The following TRPM2 variants were observed in gnomAD, a reference collection of about 807,000 sequenced individuals.
The protein encoded by TRPM2 is transient receptor potential cation channel subfamily M member 2, also known as estrogen-responsive element-associated gene 1 protein.
In TRPM2, 161 loss-of-function variants were observed where a neutral mutation model predicts 174.0. The ratio of observed to expected loss-of-function variants is 0.93; its 90% CI spans 0.81 to 1.05. The LOEUF is 1.05. TRPM2 is among the 50% of genes least tolerant of loss of function. The probability of loss-of-function intolerance (pLI) is 0.00; values close to 1 mark genes in which losing one functional copy is unlikely to be tolerated. For missense variants in TRPM2, 2,057 were observed against 2,038.0 expected, an observed-to-expected ratio of 1.01 and a Z score of -0.18; for synonymous variants, 954 against 861.3, an observed-to-expected ratio of 1.11 and a Z score of -1.88.
In TRPM2 at chr21:44,389,346, G is replaced by C. The variant is rs576996546; in HGVS notation, c.1319-1558G>C. On this transcript the variant is annotated intron_variant, in intron 9 of 31. Coordinates refer to ENST00000397928, the MANE Select transcript of TRPM2 (RefSeq NM_003307.4). ...CATTCATCTGTTGGGGTGCATTTAG[G>C]TTGTTTCCAGTTTGGGGCTATTATG... Among the ~76,000 whole-genome samples, 7 of 152,262 alleles carry C rather than the reference G, an allele frequency of 4.6e-5. No individual in the cohort carries two copies. The South Asian group carries it at 1.5e-3, about 32-fold the overall frequency.
chr21:44,440,036 T>C (rs1260896018), intron 30 of TRPM2, among the ~76,000 whole-genome samples: 1 of 150,314 alleles, frequency 6.7e-6, no homozygotes, highest in African/African-American at 2.4e-5. Flanking sequence ...GGACGCTCTT[T>C]ATAAAAGCAG....
At chr21:44,404,653 G>C (rs1481711558) in intron 16 of TRPM2, among the ~76,000 whole-genome samples, 1 of 152,134 alleles carries the variant, frequency 6.6e-6, no homozygotes, top group Non-Finnish European at 1.5e-5. Context: ...GATAGTGACG[G>C]TGATAGTGAT....
chr21:44,358,804 G>T (rs187524120), intron 2 of TRPM2, among the ~76,000 whole-genome samples: 2 of 152,120 alleles, frequency 1.3e-5, no homozygotes, highest in Non-Finnish European at 2.9e-5. Context: ...GTTCCTTCCC[G>T]GGGGTCTTGG....
intron 2 of TRPM2, among the ~76,000 whole-genome samples, chr21:44,360,844 G>C (rs2048188600): frequency 6.6e-6 from 1 of 152,106 alleles, no homozygotes. Flanking sequence ...TGGGATTACA[G>C]GTGTGAGCCA....
Position 44,391,697 on chromosome 21 carries a change from T to C in TRPM2, c.1794+72T>C. On this transcript the variant is annotated intron_variant, in intron 11 of 31. Transcript: ENST00000397928. This position sits in a 1 kb window ranked among gnomAD's most constrained non-coding sequence, Gnocchi z 5.0. ...ACTGCTATGTTCTTAGAGCTCTCTG[T>C]TTTTAAAATTAGCTTTTATTTTTAT... 1 of 1,324,270 alleles carries C rather than the reference T, an allele frequency of 7.6e-7. No homozygotes were observed. The highest frequency in any genetic ancestry group is 2.5e-5 in the East Asian group (1 of 40,602). 82.0% of individuals were successfully genotyped at this position (1,324,270 alleles called of 1,614,324 possible).
rs45516594 is a variant in TRPM2, at chr21:44,379,002, C to A, written c.1020C>A (p.Ile340=). 3.1e-6 allele frequency: 5 copies of A among 1,604,848 alleles called. No homozygotes were observed. In the Admixed American group the frequency reaches 8.3e-5, roughly 27 times the overall value. ...CACCCCCACCTGCCTTGCAGACCAT[C>A]GACAACGCCACCACCAACGGCACCC... ...LEGGPGTLHT[I]DNATTNGTPC... is the part of the protein sequence containing the mutation. The change falls in exon 8 of 32, where the codon ATC becomes ATA. Residue 340 remains isoleucine (I), a synonymous_variant. Transcript: ENST00000397928.
intron 5 of TRPM2, among the ~76,000 whole-genome samples, chr21:44,370,095 C>CTT (rs2048486592): frequency 2.0e-5 from 3 of 152,094 alleles, no homozygotes; most frequent in Admixed American, 2.0e-4. Flanking sequence ...CCCGGACAAA[C>CTT]GGCTAACTTG....
intron 5 of TRPM2, among the ~76,000 whole-genome samples, chr21:44,375,409 A>G (rs1322502724): frequency 6.6e-6 from 1 of 152,212 alleles, no homozygotes; most frequent in Non-Finnish European, 1.5e-5. Context: ...GGCTGCCGTA[A>G]CAAATGGCCT....
Position 44,427,131 on chromosome 21 carries a change from G to T in TRPM2, c.3974+20G>T, listed in dbSNP as rs2050826076. 3.2e-6 allele frequency: 5 copies of T among 1,551,860 alleles called. No individual in the cohort carries two copies. The highest frequency in any genetic ancestry group is 4.4e-6 in the Non-Finnish European group (5 of 1,145,970). On this transcript the variant is annotated intron_variant, in intron 27 of 31. Coordinates refer to ENST00000397928, the MANE Select transcript of TRPM2 (RefSeq NM_003307.4). ...GCCCCTGTGAGTGTGCCCCCTGCGG[G>T]CCCCGCCCCGTCAGCCTTTGGGGTT...
Position 44,354,514 on chromosome 21 carries a change from C to T in TRPM2, c.166-134C>T, listed in dbSNP as rs1448552956. On this transcript the variant is annotated intron_variant, in intron 1 of 31. Transcript: ENST00000397928. This position sits in a 1 kb window ranked among gnomAD's most constrained non-coding sequence, Gnocchi z 4.3. Reference sequence around the variant, plus strand: ...TTGGCAAGGTGCTTCTAATCTTTGGCTCAGGGTCGCGCAGGCTTCCTTCCT... The same window carrying T: ...TTGGCAAGGTGCTTCTAATCTTTGGTTCAGGGTCGCGCAGGCTTCCTTCCT... 2 of 720,538 alleles carry T rather than the reference C, an allele frequency of 2.8e-6. No individual in the cohort carries two copies. The highest frequency in any genetic ancestry group is 1.8e-5 in the African/African-American group (1 of 56,234). The allele number at this position is 720,538 out of a possible 1,614,324, so 44.6% of individuals were successfully genotyped here.
intron 9 of TRPM2, among the ~76,000 whole-genome samples, chr21:44,386,982 G>T (rs2049034972): frequency 6.6e-6 from 1 of 152,118 alleles, no homozygotes; most frequent in African/African-American, 2.4e-5. Flanking sequence ...TTGAGCTCAG[G>T]GGTTTGAGAC....
At chr21:44,365,670 C>A (rs45451391) in intron 3 of TRPM2, among the ~76,000 whole-genome samples, 34 of 152,314 alleles carry the variant, frequency 2.2e-4, no homozygotes, top group African/African-American at 7.9e-4. Flanking sequence ...ATCCCTCCCC[C>A]AACCCCCCGG....
intron 2 of TRPM2, among the ~76,000 whole-genome samples, chr21:44,360,673 TCTC>T (rs1438042996): frequency 6.6e-6 from 1 of 151,392 alleles, no homozygotes; most frequent in Non-Finnish European, 1.5e-5. Flanking sequence ...TTCAAGCAAT[TCTC>T]CTGCCTCAGC....
rs2049184341 is a variant in TRPM2 at position 44,391,744 on chromosome 21, C to T, written c.1794+119C>T. On this transcript the variant is annotated intron_variant, in intron 11 of 31. Coordinates refer to ENST00000397928, the MANE Select transcript of TRPM2 (RefSeq NM_003307.4). This position sits in a 1 kb window ranked among gnomAD's most constrained non-coding sequence, Gnocchi z 5.0. ...TTATTAGAAAAGACACATGCTCTAT[C>T]TTAGGCTGCTTGGGCTGCTGTAACA... 1.3e-5 allele frequency: 13 copies of T among 971,036 alleles called. No individual in the cohort carries two copies. The highest frequency in any genetic ancestry group is 1.9e-5 in the Non-Finnish European group (13 of 682,432). The allele number at this position is 971,036 out of a possible 1,614,324, so 60.2% of individuals were successfully genotyped here.
intron 2 of TRPM2, among the ~76,000 whole-genome samples, chr21:44,362,341 A>G (rs1373432923): frequency 3.8e-5 from 5 of 130,998 alleles, no homozygotes; most frequent in Non-Finnish European, 7.8e-5. Context: ...CGTCTCTACT[A>G]AAAATACAAA....
chr21:44,363,164 T>C (rs1384975269), intron 2 of TRPM2, among the ~76,000 whole-genome samples: 1 of 152,244 alleles, frequency 6.6e-6, no homozygotes, highest in Non-Finnish European at 1.5e-5. Flanking sequence ...TGTCTGGTGT[T>C]CACTCAGATT....
chr21:44,438,812 G>C lies in TRPM2; in HGVS notation c.4168-255G>C, dbSNP rs1032534995. On this transcript the variant is annotated intron_variant, in intron 29 of 31. Transcript: ENST00000397928. This position sits in a 1 kb window ranked among gnomAD's most constrained non-coding sequence, Gnocchi z 5.9. ...TCTGAGCTCAGGGTGGGTACCCTGG[G>C]GGCTGTCCCTGCTCCTCAGAGGTTG... Among the ~76,000 whole-genome samples, 1 of 152,180 alleles carries C rather than the reference G, an allele frequency of 6.6e-6. No individual in the cohort carries two copies. The highest frequency in any genetic ancestry group is 1.5e-5 in the Non-Finnish European group (1 of 68,012).
In TRPM2 at chr21:44,367,111, C is replaced by T. The variant is rs534206019; in HGVS notation, c.604+177C>T. On this transcript the variant is annotated intron_variant, in intron 4 of 31. Coordinates refer to ENST00000397928, the MANE Select transcript of TRPM2 (RefSeq NM_003307.4). This position sits in a 1 kb window ranked among gnomAD's most constrained non-coding sequence, Gnocchi z 4.6. Reference sequence around the variant, plus strand: ...CTGGGCACAGCTGCTCCCTGACGCCCGATGCTCCCACTGGCTTGCCTGTGG... The same window carrying T: ...CTGGGCACAGCTGCTCCCTGACGCCTGATGCTCCCACTGGCTTGCCTGTGG... 2.3e-4 allele frequency among the ~76,000 whole-genome samples: 35 copies of T among 152,254 alleles called. No individual in the cohort carries two copies. Among genetic ancestry groups the T allele is most frequent in the East Asian group, 9.7e-4 (5 of 5,162 alleles).
chr21:44,368,293 T>C (rs1602141742), intron 4 of TRPM2, among the ~76,000 whole-genome samples: 3 of 151,850 alleles, frequency 2.0e-5, no homozygotes, highest in Admixed American at 1.3e-4. Context: ...CTAATTTTTG[T>C]AGAGACAAGG....
Sources: allele counts gnomAD v4.1 joint callset (sites outside exome capture counted in the v4.1 genomes callset), GRCh38; gene constraint gnomAD v4.1.1; non-coding constraint Gnocchi (gnomAD v3.1); transcripts MANE v1.5; gene names NCBI Gene and HGNC (gene_info 2026-07-23, HGNC 2026-07-21).